FGF10: variants seen among roughly 807,000 people sequenced by gnomAD.
The protein encoded by FGF10 is FGF-10.
Under a neutral mutation model 19.8 loss-of-function variants are expected in FGF10, and 2 were observed. The observed-to-expected ratio is 0.10, with a 90% CI of 0.04 to 0.32. FGF10 has a LOEUF of 0.32. Among genes scored for constraint, FGF10 ranks in the 10% least tolerant of loss-of-function variants. FGF10 has a pLI of 1.00. For synonymous variants in FGF10, 112 were observed against 94.0 expected (o/e 1.19, Z -1.10); for missense variants, 191 against 246.3 (o/e 0.78, Z 1.50).
intron 1 of FGF10, among the ~76,000 whole-genome samples, chr5:44,381,952 A>G (rs1741993781): frequency 6.6e-6 from 1 of 152,150 alleles, no homozygotes; most frequent in South Asian, 2.1e-4. Context: ...TTAGGGTTAG[A>G]TGATTCCTTA....
intron 1 of FGF10, among the ~76,000 whole-genome samples, chr5:44,329,665 T>A (rs1399489129): frequency 6.6e-6 from 1 of 152,186 alleles, no homozygotes; most frequent in Non-Finnish European, 1.5e-5. Flanking sequence ...AAGAAACATT[T>A]GCTTTGAAAT....
chr5:44,368,666 T>C (rs1382948647), intron 1 of FGF10, among the ~76,000 whole-genome samples: 1 of 151,900 alleles, frequency 6.6e-6, no homozygotes, highest in African/African-American at 2.4e-5. Flanking sequence ...GTGCTGTCAA[T>C]TTTTTTGTTG....
chr5:44,335,551 C>G (rs1018201554), intron 1 of FGF10, among the ~76,000 whole-genome samples: 30 of 152,080 alleles, frequency 2.0e-4, no homozygotes, highest in African/African-American at 7.2e-4. Context: ...TAAACATATT[C>G]ATTGATTTAC....
rs1739997603 is a variant in FGF10, at chr5:44,303,041, A to G, written c.*1954T>C. On this transcript the variant is annotated 3_prime_UTR_variant, in exon 3 of 3. Coordinates refer to ENST00000264664, the MANE Select transcript of FGF10 (RefSeq NM_004465.2). ...AGACTGAGTTACCAATTAAATTTTA[A>G]CATCCAGATTCCAACCACAAAAATT... is the stretch of plus-strand genomic sequence containing the variant. Among the ~76,000 whole-genome samples the G allele has an allele frequency of 6.6e-6, 1 of 152,182 alleles. No homozygotes were observed. The highest frequency in any genetic ancestry group is 2.4e-5 in the African/African-American group (1 of 41,454).
intron 1 of FGF10, among the ~76,000 whole-genome samples, chr5:44,330,808 T>C (rs1359616677): frequency 1.3e-5 from 2 of 152,154 alleles, no homozygotes; most frequent in African/African-American, 4.8e-5. Flanking sequence ...TAGAAAAATG[T>C]CAAAATTACA....
chr5:44,363,392 A>G (rs1365978549), intron 1 of FGF10, among the ~76,000 whole-genome samples: 1 of 151,884 alleles, frequency 6.6e-6, no homozygotes, highest in African/African-American at 2.4e-5. Context: ...AAATACAATT[A>G]TACTTACAGT....
At chr5:44,320,491 A>G (rs1052999188) in intron 1 of FGF10, among the ~76,000 whole-genome samples, 1 of 152,186 alleles carries the variant, frequency 6.6e-6, no homozygotes, top group Non-Finnish European at 1.5e-5. Flanking sequence ...AAGACTTCTA[A>G]GACTGCCTAC....
chr5:44,361,390 TCTC>T, intron 1 of FGF10, among the ~76,000 whole-genome samples: 2 of 151,688 alleles, frequency 1.3e-5, no homozygotes, highest in East Asian at 3.9e-4. Flanking sequence ...CACCCATCCT[TCTC>T]CTCCCTAGAG....
chr5:44,346,709 G>A (rs909386439), intron 1 of FGF10, among the ~76,000 whole-genome samples: 6 of 151,694 alleles, frequency 4.0e-5, no homozygotes, highest in African/African-American at 7.3e-5. Context: ...ACAAATAATC[G>A]GTCTCAAAGT....
At chr5:44,332,035 G>A (rs987073646) in intron 1 of FGF10, among the ~76,000 whole-genome samples, 4 of 151,576 alleles carry the variant, frequency 2.6e-5, no homozygotes, top group African/African-American at 7.3e-5. Flanking sequence ...CAGAAACAAC[G>A]AATACTATTA....
chr5:44,317,096 A>G (rs542174512), intron 1 of FGF10, among the ~76,000 whole-genome samples: 1 of 152,188 alleles, frequency 6.6e-6, no homozygotes, highest in Non-Finnish European at 1.5e-5. Context: ...ATTGCCATTA[A>G]AAGGAGGGTA....
In FGF10 at chr5:44,303,439, G is replaced by A. The variant is rs1345526876; in HGVS notation, c.*1556C>T. 6.6e-6 allele frequency: 1 copy of A among 151,860 alleles called. No homozygotes were observed. The highest frequency in any genetic ancestry group is 1.5e-5 in the Non-Finnish European group (1 of 67,960). The allele number at this position is 151,860 out of a possible 1,614,324, so 9.4% of individuals were successfully genotyped here. A position where few individuals can be genotyped will look rare whatever the true frequency, so the allele number is the denominator to read the frequency against. ...GCTTTTTCAAAACAAGAAATATGAA[G>A]ATAAAACTGCAGCATCAATATACTA... On this transcript the variant is annotated 3_prime_UTR_variant, in exon 3 of 3. Coordinates refer to ENST00000264664, the MANE Select transcript of FGF10 (RefSeq NM_004465.2).
rs1310833469 is a variant in FGF10, at chr5:44,303,976, T to G, written c.*1019A>C. On this transcript the variant is annotated 3_prime_UTR_variant, in exon 3 of 3. Coordinates refer to ENST00000264664, the MANE Select transcript of FGF10 (RefSeq NM_004465.2). ...ATGTATTTAGCAATTAATTTTCCTT[T>G]TTTTAGTATATTCTTGGAGGCAAAC... The G allele has an allele frequency of 6.6e-6, 1 of 152,188 alleles. No homozygotes were observed. The highest frequency in any genetic ancestry group is 1.5e-5 in the Non-Finnish European group (1 of 68,030). 9.4% of individuals were successfully genotyped at this position (152,188 alleles called of 1,614,324 possible).
chr5:44,310,442 C>T lies in FGF10; in HGVS notation c.414G>A (p.Gly138=). 6.2e-7 allele frequency: 1 copy of T among 1,609,298 alleles called. No individual in the cohort carries two copies. The highest frequency in any genetic ancestry group is 1.7e-4 in the Middle Eastern group (1 of 6,050). The change falls in exon 2 of 3, where the codon GGG becomes GGA. Residue 138 remains glycine (G), a synonymous_variant. Transcript: ENST00000264664. ...SNYYLAMNKK[G]KLYGSKEFNN... is the part of the protein sequence containing the mutation. ...GAATACTTACTGAGCCATAGAGTTT[C>T]CCCTTCTTGTTCATGGCTAAGTAAT... is the stretch of plus-strand genomic sequence containing the variant.
chr5:44,308,694 A>G (rs184410442), intron 2 of FGF10, among the ~76,000 whole-genome samples: 7 of 152,136 alleles, frequency 4.6e-5, no homozygotes, highest in African/African-American at 1.4e-4. Flanking sequence ...CCCCCATGCA[A>G]AAAAAAGCAT....
At chr5:44,345,439 G>A (rs1014734025) in intron 1 of FGF10, among the ~76,000 whole-genome samples, 1 of 151,558 alleles carries the variant, frequency 6.6e-6, no homozygotes, top group Non-Finnish European at 1.5e-5. Context: ...CAAAGTGAAT[G>A]ACCATTACCA....
At chr5:44,347,747 C>T (rs951851969) in intron 1 of FGF10, among the ~76,000 whole-genome samples, 1 of 151,742 alleles carries the variant, frequency 6.6e-6, no homozygotes, top group Non-Finnish European at 1.5e-5. Flanking sequence ...TCAATCAATA[C>T]TTGCTAATTA....
intron 1 of FGF10, among the ~76,000 whole-genome samples, chr5:44,350,260 A>T (rs909821990): frequency 5.3e-5 from 8 of 150,942 alleles, no homozygotes; most frequent in Admixed American, 2.0e-4. Context: ...AGAATCTTAA[A>T]CTAATACATA....
intron 1 of FGF10, among the ~76,000 whole-genome samples, chr5:44,371,971 C>A (rs2111887422): frequency 6.6e-6 from 1 of 152,200 alleles, no homozygotes; most frequent in East Asian, 1.9e-4. Flanking sequence ...TTGTTTTTGT[C>A]AAATTATCCT....
Sources: allele counts gnomAD v4.1 joint callset (sites outside exome capture counted in the v4.1 genomes callset), GRCh38; gene constraint gnomAD v4.1.1; transcripts MANE v1.5; gene names NCBI Gene and HGNC (gene_info 2026-07-23, HGNC 2026-07-21).